ARL3: variants seen among roughly 807,000 people sequenced by gnomAD.
ARL3 encodes ARF like GTPase 3.
In ARL3, 9 loss-of-function variants were observed where a neutral mutation model predicts 26.0. The observed-to-expected ratio is 0.35, with a 90% CI of 0.21 to 0.60. The LOEUF is 0.60. Ranked by LOEUF, ARL3 falls within the 20% of genes least tolerant of loss-of-function variation. The probability of loss-of-function intolerance (pLI) is 0.78; values close to 1 mark genes in which losing one functional copy is unlikely to be tolerated. For missense variants in ARL3, 158 were observed against 215.7 expected (o/e 0.73, Z 1.67); for synonymous variants, 71 against 78.4 (o/e 0.91, Z 0.50).
At chr10:102,696,355 T>G (rs1313124937) in intron 3 of ARL3, among the ~76,000 whole-genome samples, 2 of 145,550 alleles carry the variant, frequency 1.4e-5, no homozygotes, top group Non-Finnish European at 3.0e-5. Flanking sequence ...AACCTGCACC[T>G]CCCTGATTCA....
chr10:102,685,323 T>C (rs1315273925), intron 5 of ARL3, among the ~76,000 whole-genome samples: 1 of 150,882 alleles, frequency 6.6e-6, no homozygotes, highest in Non-Finnish European at 1.5e-5. Flanking sequence ...AGCATGGGGC[T>C]TTCTGTCAGC....
intron 1 of ARL3, among the ~76,000 whole-genome samples, chr10:102,708,715 G>C (rs1365791754): frequency 6.6e-6 from 1 of 151,642 alleles, no homozygotes; most frequent in Non-Finnish European, 1.5e-5. Context: ...AATTAGCCGG[G>C]TATGGTGGCA....
chr10:102,686,029 A>G lies in ARL3; in HGVS notation c.316-28T>C, dbSNP rs1225188994. 2 of 1,586,006 alleles carry G rather than the reference A, an allele frequency of 1.3e-6. 1 individual carries two copies. On this transcript the variant is annotated intron_variant, in intron 4 of 5. Transcript: ENST00000260746. ...GGATTTTGAGAAGGGAGAGGGAGGGAAGGTTAAAATCTATACATCTATGAT... is the reference window on the plus strand; with the variant it reads ...GGATTTTGAGAAGGGAGAGGGAGGGGAGGTTAAAATCTATACATCTATGAT...
At chr10:102,692,924 C>A (rs1233890041) in intron 3 of ARL3, among the ~76,000 whole-genome samples, 2 of 152,096 alleles carry the variant, frequency 1.3e-5, no homozygotes, top group Non-Finnish European at 2.9e-5. Context: ...TCTCGATCTC[C>A]TGACCTCGTG....
At chr10:102,681,107 G>C (rs779053619) in intron 5 of ARL3, among the ~76,000 whole-genome samples, 1 of 152,142 alleles carries the variant, frequency 6.6e-6, no homozygotes, top group Admixed American at 6.5e-5. Flanking sequence ...AAAATATCAG[G>C]CCAGGCGTGG....
intron 2 of ARL3, among the ~76,000 whole-genome samples, chr10:102,701,410 G>A (rs2064278770): frequency 6.6e-6 from 1 of 152,180 alleles, no homozygotes; most frequent in South Asian, 2.1e-4. Flanking sequence ...CAGGAATATT[G>A]CCACCCAATT....
At chr10:102,710,389 G>A (rs2064331654) in intron 1 of ARL3, among the ~76,000 whole-genome samples, 1 of 152,160 alleles carries the variant, frequency 6.6e-6, no homozygotes, top group Non-Finnish European at 1.5e-5. Context: ...TGATTTAAGA[G>A]GCTGGATGAA....
intron 4 of ARL3, among the ~76,000 whole-genome samples, chr10:102,686,284 C>G (rs2064185102): frequency 6.6e-6 from 1 of 151,778 alleles, no homozygotes; most frequent in Admixed American, 6.6e-5. Flanking sequence ...GTTGGGCAGG[C>G]TGGTCTAGAA....
intron 5 of ARL3, among the ~76,000 whole-genome samples, chr10:102,684,678 G>T (rs559235769): frequency 6.6e-6 from 1 of 150,792 alleles, no homozygotes; most frequent in Non-Finnish European, 1.5e-5. Context: ...TTGCTCTGTC[G>T]CCCAGGCTGG....
chr10:102,687,674 T>C (rs7075829), intron 4 of ARL3, among the ~76,000 whole-genome samples: 151,775 of 152,046 alleles, frequency 1, 75,752 homozygotes, highest in South Asian at 1. Flanking sequence ...GGTGACAGAG[T>C]GAGATTCTGC....
At chr10:102,690,966 C>T (rs1256066664) in intron 3 of ARL3, among the ~76,000 whole-genome samples, 1 of 151,468 alleles carries the variant, frequency 6.6e-6, no homozygotes, top group African/African-American at 2.4e-5. Context: ...AGGGATCCTC[C>T]CACCTCAGCC....
chr10:102,689,331 G>A (rs572859905), intron 4 of ARL3, among the ~76,000 whole-genome samples: 42 of 151,898 alleles, frequency 2.8e-4, no homozygotes, highest in South Asian at 1.5e-3. Context: ...GTTTTGGAGG[G>A]GGGAAAAAAA....
At chr10:102,701,368 G>A (rs886307986) in intron 2 of ARL3, among the ~76,000 whole-genome samples, 1 of 152,154 alleles carries the variant, frequency 6.6e-6, no homozygotes, top group African/African-American at 2.4e-5. Context: ...ACTGCTGCCT[G>A]GCACAGAAGG....
At chr10:102,691,280 A>T (rs1434830687) in intron 3 of ARL3, among the ~76,000 whole-genome samples, 3 of 47,276 alleles carry the variant, frequency 6.3e-5, no homozygotes, top group Non-Finnish European at 1.2e-4. Context: ...CCCTCCCCCC[A>T]CCCCACCACA....
intron 4 of ARL3, 120 bp from the exon 5 acceptor site, chr10:102,686,121 G>C: frequency 1.2e-6 from 1 of 828,114 alleles, no homozygotes; most frequent in Non-Finnish European, 1.8e-6. Flanking sequence ...ACCCAGGCTG[G>C]AGTGCAATGG....
At chr10:102,712,869 A>G (rs1261265460) in intron 1 of ARL3, among the ~76,000 whole-genome samples, 2 of 152,180 alleles carry the variant, frequency 1.3e-5, no homozygotes, top group African/African-American at 4.8e-5. Context: ...AAAAAGAAAC[A>G]GTTGTAAAAA....
intron 1 of ARL3, among the ~76,000 whole-genome samples, chr10:102,712,637 C>T (rs1474970693): frequency 1.3e-5 from 2 of 152,146 alleles, no homozygotes; most frequent in African/African-American, 2.4e-5. Flanking sequence ...ATAAATTAAA[C>T]AATCATGGAT....
rs1489003229 is a variant in ARL3 at position 102,705,426 on chromosome 10, G to A, written c.67C>T (p.Leu23=). 1 of 1,611,896 alleles carries A rather than the reference G, an allele frequency of 6.2e-7. No homozygotes were observed. Among genetic ancestry groups the A allele is most frequent in the South Asian group, 1.1e-5 (1 of 90,918 alleles). The part of the protein sequence containing the change: ...APDQEVRILL[L]GLDNAGKTTL... ...GTCTTGCCAGCATTATCCAAGCCCA[G>A]GAGAAGTATTCTCACCTCCTGGTCT... is the stretch of plus-strand genomic sequence containing the variant. Residue 23 remains leucine (L), a synonymous_variant, in exon 2 of 6, where the codon CTG becomes TTG. Transcript: ENST00000260746.
chr10:102,704,995 T>C (rs894346610), intron 2 of ARL3, among the ~76,000 whole-genome samples: 2 of 152,150 alleles, frequency 1.3e-5, no homozygotes, highest in Admixed American at 6.5e-5. Flanking sequence ...TTTTAAAGTG[T>C]ACAGTTCCAT....
Sources: gnomAD v4.1 joint callset for allele counts (sites outside exome capture counted in the v4.1 genomes callset) on GRCh38, gnomAD v4.1.1 for gene constraint, MANE v1.5 for transcripts, NCBI Gene and HGNC (gene_info 2026-07-23, HGNC 2026-07-21) for gene names.